Variants in NEO1 observed in about 807,000 individuals in gnomAD.
NEO1 encodes the protein neogenin.
In NEO1, 63 loss-of-function variants were observed where a neutral mutation model predicts 159.7. The ratio of observed to expected loss-of-function variants is 0.39; its 90% CI spans 0.32 to 0.49. NEO1 has a LOEUF of 0.49. Ranked by LOEUF, NEO1 falls within the 20% of genes least tolerant of loss-of-function variation. The pLI is 0.85. For synonymous variants in NEO1, 633 were observed against 662.0 expected (o/e 0.96, Z 0.67); for missense variants, 1,615 against 1,831.0 (o/e 0.88, Z 2.15).
chr15:73,263,221 T>C (rs2040712648), intron 15 of NEO1, among the ~76,000 whole-genome samples: 1 of 142,332 alleles, frequency 7.0e-6, no homozygotes. Flanking sequence ...TGAGACAGCA[T>C]CTCACTCTGT....
At chr15:73,266,438 C>G (rs768392073) in intron 16 of NEO1, 27 bp downstream of exon 16, 1 of 1,555,516 alleles carries the variant, frequency 6.4e-7, no homozygotes. Context: ...TTCCTAGTCT[C>G]CAGCACTTTT....
At chr15:73,274,600 AG>A in intron 20 of NEO1, 91 bp from the exon 21 acceptor site, 3 of 1,290,468 alleles carry the variant, frequency 2.3e-6, no homozygotes, top group Non-Finnish European at 3.3e-6. Flanking sequence ...TGGGGGTTTT[AG>A]TTTTTTTCCT....
At chr15:73,297,905 C>T (rs2042441833) in intron 26 of NEO1, among the ~76,000 whole-genome samples, 1 of 152,240 alleles carries the variant, frequency 6.6e-6, no homozygotes. Context: ...CAGTGACCGC[C>T]AGGCCTTGTC....
At position 73,148,684 on chromosome 15, in the gene NEO1, C is replaced by A. The variant is rs2033123176; in HGVS notation, c.1015+12657C>A. On this transcript the variant is annotated intron_variant, in intron 5 of 28. Coordinates refer to ENST00000261908, the MANE Select transcript of NEO1 (RefSeq NM_002499.4). Reference sequence around the variant, plus strand: ...TTACCCTCAGTTTATCTGAAAGTTACATGCATTGAATGGTGATTTAAATTC... The same window carrying A: ...TTACCCTCAGTTTATCTGAAAGTTAAATGCATTGAATGGTGATTTAAATTC... Among the ~76,000 whole-genome samples the A allele has an allele frequency of 2.0e-5, 3 of 152,132 alleles. No individual in the cohort carries two copies. In the South Asian group the frequency reaches 6.2e-4, roughly 31 times the overall value.
chr15:73,252,959 C>T (rs1398487024), intron 11 of NEO1, among the ~76,000 whole-genome samples: 2 of 152,080 alleles, frequency 1.3e-5, no homozygotes, highest in Non-Finnish European at 2.9e-5. Flanking sequence ...CATTGTGCTC[C>T]AGCCTGGGCA....
At chr15:73,062,210 T>C (rs12101540) in intron 1 of NEO1, among the ~76,000 whole-genome samples, 20,095 of 152,146 alleles carry the variant, frequency 0.13, 2,052 homozygotes, top group African/African-American at 0.28. Context: ...TTTTTGCCAA[T>C]TTGATAGAAG....
chr15:73,119,224 A>C (rs1337158207), intron 2 of NEO1, among the ~76,000 whole-genome samples: 1 of 152,206 alleles, frequency 6.6e-6, no homozygotes, highest in East Asian at 1.9e-4. Flanking sequence ...CATATACTAA[A>C]AAATATTAAA....
At chr15:73,222,546 G>A (rs2038354632) in intron 7 of NEO1, among the ~76,000 whole-genome samples, 2 of 152,078 alleles carry the variant, frequency 1.3e-5, no homozygotes, top group Admixed American at 6.5e-5. Flanking sequence ...GTGCATAAAG[G>A]TGTTCATAGT....
chr15:73,185,336 T>G (rs1468082146), intron 7 of NEO1, among the ~76,000 whole-genome samples: 1 of 152,178 alleles, frequency 6.6e-6, no homozygotes, highest in African/African-American at 2.4e-5. Context: ...TGTACCACTT[T>G]AGTGGGGGAT....
intron 3 of NEO1, among the ~76,000 whole-genome samples, chr15:73,123,724 A>G (rs1281658782): frequency 6.6e-6 from 1 of 152,028 alleles, no homozygotes; most frequent in Non-Finnish European, 1.5e-5. Context: ...TTGGTGTTTC[A>G]TGACTGTTTA....
intron 5 of NEO1, among the ~76,000 whole-genome samples, chr15:73,143,995 C>T (rs964570119): frequency 2.6e-5 from 4 of 152,130 alleles, no homozygotes; most frequent in South Asian, 2.1e-4. Flanking sequence ...AGGTTATTAA[C>T]GAATGGAATG....
At chr15:73,125,451 G>T (rs945552206) in intron 3 of NEO1, among the ~76,000 whole-genome samples, 1 of 152,186 alleles carries the variant, frequency 6.6e-6, no homozygotes, top group South Asian at 2.1e-4. Context: ...GTCACTAATC[G>T]ATTAGGCAAT....
intron 18 of NEO1, among the ~76,000 whole-genome samples, chr15:73,271,834 G>C (rs558518741): frequency 3.3e-5 from 5 of 151,256 alleles, no homozygotes; most frequent in African/African-American, 1.2e-4. Flanking sequence ...TTGAACCCAG[G>C]AGGCAGAGGT....
chr15:73,187,404 A>G (rs2035992565), intron 7 of NEO1, among the ~76,000 whole-genome samples: 2 of 151,216 alleles, frequency 1.3e-5, no homozygotes, highest in African/African-American at 2.4e-5. Context: ...TTTTCCTCCC[A>G]CTCCTTCCCC....
intron 7 of NEO1, among the ~76,000 whole-genome samples, chr15:73,230,773 G>A (rs889816240): frequency 6.6e-6 from 1 of 151,986 alleles, no homozygotes; most frequent in African/African-American, 2.4e-5. Context: ...TGTATTTTTT[G>A]TAGAGATGGG....
At chr15:73,244,971 A>AAAAAAAAAAAAAAAAAAAAAAAAAC (rs2039695428) in intron 9 of NEO1, among the ~76,000 whole-genome samples, 1 of 147,234 alleles carries the variant, frequency 6.8e-6, no homozygotes, top group Non-Finnish European at 1.5e-5. Flanking sequence ...AAAAAAAAAA[A>AAAAAAAAAAAAAAAAAAAAAAAAAC]AAAAAAAAAA....
chr15:73,191,039 G>T (rs114324510), intron 7 of NEO1, among the ~76,000 whole-genome samples: 4 of 152,106 alleles, frequency 2.6e-5, no homozygotes, highest in Non-Finnish European at 4.4e-5. Flanking sequence ...CGCTTTTTCC[G>T]TATAGGTATT....
chr15:73,165,283 A>G (rs1271753799), intron 5 of NEO1, among the ~76,000 whole-genome samples: 1 of 152,174 alleles, frequency 6.6e-6, no homozygotes, highest in Non-Finnish European at 1.5e-5. Flanking sequence ...TGGTGTTGAC[A>G]GGTAGTTTGA....
intron 7 of NEO1, among the ~76,000 whole-genome samples, chr15:73,200,879 G>A (rs773737910): frequency 6.6e-6 from 1 of 151,270 alleles, no homozygotes; most frequent in Non-Finnish European, 1.5e-5. Context: ...AGACAGTTTC[G>A]CCATGTTGCC....
Sources: gnomAD v4.1 joint callset for allele counts (sites outside exome capture counted in the v4.1 genomes callset) on GRCh38, gnomAD v4.1.1 for gene constraint, MANE v1.5 for transcripts, NCBI Gene and HGNC (gene_info 2026-07-23, HGNC 2026-07-21) for gene names.